Variants in STK33 observed in about 807,000 individuals in gnomAD.
STK33 encodes the protein serine/threonine-protein kinase 33.
A neutral mutation model predicts 58.0 loss-of-function variants in STK33; 52 were observed. The ratio of observed to expected loss-of-function variants is 0.90; its 90% CI spans 0.72 to 1.13. The LOEUF is 1.13. STK33 is among the 50% of genes most tolerant of loss of function. The pLI, the probability that STK33 is intolerant of heterozygous loss-of-function variation, is 0.00. For synonymous variants in STK33, 215 were observed against 200.1 expected (o/e 1.07, Z -0.63); for missense variants, 630 against 604.2 (o/e 1.04, Z -0.45).
chr11:8,522,662 C>T (rs1953579968), intron 1 of STK33, among the ~76,000 whole-genome samples: 1 of 152,132 alleles, frequency 6.6e-6, no homozygotes, highest in Admixed American at 6.5e-5. Flanking sequence ...AATAGAAAAG[C>T]AAGATTACAT....
chr11:8,589,198 A>C (rs909583128), intron 1 of STK33, among the ~76,000 whole-genome samples: 2 of 152,208 alleles, frequency 1.3e-5, no homozygotes, highest in Admixed American at 6.5e-5. Flanking sequence ...ATGTTCACAC[A>C]AAAACTTGTA....
chr11:8,408,567 A>G (rs934784309), intron 15 of STK33, among the ~76,000 whole-genome samples: 3 of 152,248 alleles, frequency 2.0e-5, no homozygotes, highest in African/African-American at 7.2e-5. Context: ...ATTAGATCAA[A>G]TAACAGGTCA....
Position 8,450,781 on chromosome 11 carries a change from AGG to A in STK33, c.871+2039_871+2040del, listed in dbSNP as rs200647675. 3.7e-3 allele frequency among the ~76,000 whole-genome samples: 570 copies of A among 152,334 alleles called. 3 individuals carry two copies. Among genetic ancestry groups the A allele is most frequent in the African/African-American group, 0.013 (543 of 41,578 alleles). On this transcript the variant is annotated intron_variant, in intron 11 of 15. Coordinates refer to ENST00000687296, the MANE Select transcript of STK33 (RefSeq NM_001352389.2). ...ATAATGCAGTACATTAAACCATGTG[AGG>A]TTGAATTTAAATGTGCAAGGATGGT...
At chr11:8,430,592 G>C (rs1338084663) in intron 14 of STK33, among the ~76,000 whole-genome samples, 1 of 152,130 alleles carries the variant, frequency 6.6e-6, no homozygotes, top group African/African-American at 2.4e-5. Flanking sequence ...TTGCTTAAAA[G>C]AATAATAGCT....
At chr11:8,447,061 T>A (rs1039556367) in intron 11 of STK33, among the ~76,000 whole-genome samples, 1 of 152,164 alleles carries the variant, frequency 6.6e-6, no homozygotes, top group South Asian at 2.1e-4. Flanking sequence ...GTTTTTGCAA[T>A]CTTTCCATCT....
chr11:8,367,118 GTA>G, the STK33 span, among the ~76,000 whole-genome samples: 1 of 152,364 alleles, frequency 6.6e-6, no homozygotes. Context: ...TATACGTTTT[GTA>G]TATATGTGTG....
chr11:8,486,722 T>C (rs913917816), intron 1 of STK33, among the ~76,000 whole-genome samples: 6 of 152,294 alleles, frequency 3.9e-5, no homozygotes, highest in Middle Eastern at 3.4e-3. Flanking sequence ...GTATAGAGAA[T>C]GTATAGAAGG....
At chr11:8,474,427 TA>T (rs947112210) in intron 5 of STK33, among the ~76,000 whole-genome samples, 1,845 of 152,180 alleles carry the variant, frequency 0.012, 38 homozygotes, top group African/African-American at 0.042. Flanking sequence ...TATAAACCAT[TA>T]AAAAAAGAAG....
chr11:8,475,495 T>C (rs2137939757), intron 4 of STK33: 1 of 152,336 alleles, frequency 6.6e-6, no homozygotes, highest in East Asian at 1.9e-4. Context: ...TTTCAAATTT[T>C]AAACCTTAAT....
chr11:8,350,386 C>T, the STK33 span, among the ~76,000 whole-genome samples: 1 of 152,128 alleles, frequency 6.6e-6, no homozygotes, highest in Non-Finnish European at 1.5e-5. Flanking sequence ...AGAGGCAGAC[C>T]CCAGCCAACA....
At chr11:8,416,205 C>A (rs928417282) in intron 14 of STK33, among the ~76,000 whole-genome samples, 1 of 152,070 alleles carries the variant, frequency 6.6e-6, no homozygotes, top group African/African-American at 2.4e-5. Flanking sequence ...AATGGAGTAA[C>A]AGAAGAAATT....
At position 8,464,825 on chromosome 11, in the gene STK33, G is replaced by GAAA; in HGVS notation, c.340-4_340-3insTTT. 1 of 1,541,026 alleles carries GAAA rather than the reference G, an allele frequency of 6.5e-7. No homozygotes were observed. Among genetic ancestry groups the GAAA allele is most frequent in the Admixed American group, 1.9e-5 (1 of 52,936 alleles). On this transcript the variant is annotated splice_region_variant and splice_polypyrimidine_tract_variant and intron_variant, in intron 6 of 15. Coordinates refer to ENST00000687296, the MANE Select transcript of STK33 (RefSeq NM_001352389.2). ...ATTCTTCCAAAGGTATAGATTTCCT[G>GAAA]GAGAAAAAAAAAAAAAGAGTTGTCT...
At chr11:8,557,063 C>A (rs1375498109) in intron 1 of STK33, among the ~76,000 whole-genome samples, 1 of 151,554 alleles carries the variant, frequency 6.6e-6, no homozygotes, top group Non-Finnish European at 1.5e-5. Flanking sequence ...CCAGCCTGGG[C>A]AACATAGTGA....
At chr11:8,355,351 G>A in the STK33 span, among the ~76,000 whole-genome samples, 1 of 152,256 alleles carries the variant, frequency 6.6e-6, no homozygotes, top group Non-Finnish European at 1.5e-5. Flanking sequence ...TGGTCTGACT[G>A]AGGAATCAAA....
chr11:8,525,975 G>C (rs1476329046), intron 1 of STK33, among the ~76,000 whole-genome samples: 3 of 152,108 alleles, frequency 2.0e-5, no homozygotes, highest in Admixed American at 1.3e-4. Flanking sequence ...AGCAGTCAGG[G>C]AAAAGCATGT....
the STK33 span, among the ~76,000 whole-genome samples, chr11:8,382,022 C>T: frequency 6.6e-6 from 1 of 152,096 alleles, no homozygotes; most frequent in African/African-American, 2.4e-5. Context: ...ATGCACCGTG[C>T]CTCTCCCACA....
rs1565087751 is a variant in STK33, at chr11:8,464,824, T to C, written c.340-2A>G. ...TATTCTTCCAAAGGTATAGATTTCC[T>C]GGAGAAAAAAAAAAAAAGAGTTGTC... On this transcript the variant is annotated splice_acceptor_variant, in intron 6 of 15. Transcript: ENST00000687296. LOFTEE classifies it high-confidence loss of function. The C allele has an allele frequency of 3.3e-6, 5 of 1,537,404 alleles. No individual in the cohort carries two copies. Among genetic ancestry groups the C allele is most frequent in the East Asian group, 2.3e-5 (1 of 44,250 alleles).
chr11:8,438,274 A>ACTTT (rs1944323304), intron 12 of STK33, among the ~76,000 whole-genome samples: 1 of 152,220 alleles, frequency 6.6e-6, no homozygotes, highest in Non-Finnish European at 1.5e-5. Flanking sequence ...AGAAAAGGGA[A>ACTTT]TCCAAGACAC....
At chr11:8,443,574 TA>T (rs1945030470) in intron 11 of STK33, among the ~76,000 whole-genome samples, 1 of 149,474 alleles carries the variant, frequency 6.7e-6, no homozygotes, top group Admixed American at 6.8e-5. Context: ...ATCAAGAGAT[TA>T]ATCACAATTA....
Sources: gnomAD v4.1 joint callset for allele counts (sites outside exome capture counted in the v4.1 genomes callset) on GRCh38, gnomAD v4.1.1 for gene constraint, MANE v1.5 for transcripts, NCBI Gene and HGNC (gene_info 2026-07-23, HGNC 2026-07-21) for gene names.